Variants in DYNC2H1 observed in about 807,000 individuals in gnomAD.
DYNC2H1 encodes dynein cytoplasmic 2 heavy chain 1, also known as cytoplasmic dynein 2 heavy chain 1.
Under a neutral mutation model 570.0 loss-of-function variants are expected in DYNC2H1, and 410 were observed. The observed-to-expected ratio is 0.72, with a 90% confidence interval of 0.66 to 0.78. The LOEUF (loss-of-function observed/expected upper bound fraction) is 0.78, where lower values mean the gene tolerates loss of function less well. Among genes scored for constraint, DYNC2H1 ranks in the 30% least tolerant of loss-of-function variants. The probability of loss-of-function intolerance (pLI) is 0.00; values close to 1 mark genes in which losing one functional copy is unlikely to be tolerated. For synonymous variants in DYNC2H1, 1,688 were observed against 1,677.6 expected, an observed-to-expected ratio of 1.01 and a Z score of -0.15; for missense variants, 4,865 against 5,046.4, an observed-to-expected ratio of 0.96 and a Z score of 1.09.
At chr11:103,390,539 T>C (rs1391585393) in intron 83 of DYNC2H1, among the ~76,000 whole-genome samples, 1 of 152,162 alleles carries the variant, frequency 6.6e-6, no homozygotes, top group Non-Finnish European at 1.5e-5. Flanking sequence ...ATCCTGTCAT[T>C]ATGATGTTAG....
chr11:103,122,348 G>C (rs1168768011), intron 10 of DYNC2H1, among the ~76,000 whole-genome samples: 1 of 152,222 alleles, frequency 6.6e-6, no homozygotes, highest in Non-Finnish European at 1.5e-5. Context: ...CTGTCAGTCA[G>C]TTTTCCAGGG....
At chr11:103,463,349 G>A (rs1363141637) in intron 87 of DYNC2H1, among the ~76,000 whole-genome samples, 1 of 152,162 alleles carries the variant, frequency 6.6e-6, no homozygotes, top group Admixed American at 6.5e-5. Flanking sequence ...TAAAGTAAAA[G>A]GAATTAGTAG....
chr11:103,435,017 T>C (rs538473123), intron 84 of DYNC2H1, among the ~76,000 whole-genome samples: 1 of 152,260 alleles, frequency 6.6e-6, no homozygotes, highest in Admixed American at 6.5e-5. Context: ...GATTTGCAGT[T>C]GTGTTTCAAA....
chr11:103,197,886 C>A, intron 47 of DYNC2H1, 47 bp from the exon 48 acceptor site: 1 of 1,538,538 alleles, frequency 6.5e-7, no homozygotes, highest in East Asian at 2.4e-5. Context: ...GTTGAACTCT[C>A]ATTACGAGTA....
chr11:103,208,453 C>A (rs1329431059), intron 52 of DYNC2H1, among the ~76,000 whole-genome samples: 1 of 152,060 alleles, frequency 6.6e-6, no homozygotes, highest in African/African-American at 2.4e-5. Flanking sequence ...GAGGGCACTG[C>A]CTTGAACTTG....
rs967632442 is a variant in DYNC2H1 at position 103,134,222 on chromosome 11, T to A, written c.2107-99T>A. 4.0e-6 allele frequency: 4 copies of A among 1,001,896 alleles called. No homozygotes were observed. The East Asian group carries it at 9.9e-5, about 25-fold the overall frequency. The allele number at this position is 1,001,896 out of a possible 1,614,324, so 62.1% of individuals were successfully genotyped here. On this transcript the variant is annotated intron_variant, in intron 14 of 88. Coordinates refer to ENST00000375735, the MANE Select transcript of DYNC2H1 (RefSeq NM_001377.3). Reference sequence around the variant, plus strand: ...TGTCTTGTATAGATTAAGTTAAACTTGATCACTTGGTTAAGGTGGTATCTG... The same window carrying A: ...TGTCTTGTATAGATTAAGTTAAACTAGATCACTTGGTTAAGGTGGTATCTG...
rs1271035371 is a variant in DYNC2H1, at chr11:103,461,674, T to A, written c.12648+5318T>A. Among the ~76,000 whole-genome samples, 1 of 152,030 alleles carries A rather than the reference T, an allele frequency of 6.6e-6. No homozygotes were observed. The highest frequency in any genetic ancestry group is 1.5e-5 in the Non-Finnish European group (1 of 67,980). ...ACATACGGGTACTATATTGTAGCTCTGCATGGAACGGTCAATTCCCTAGAA... is the reference window on the plus strand; with the variant it reads ...ACATACGGGTACTATATTGTAGCTCAGCATGGAACGGTCAATTCCCTAGAA... On this transcript the variant is annotated intron_variant, in intron 87 of 88. Coordinates refer to ENST00000375735, the MANE Select transcript of DYNC2H1 (RefSeq NM_001377.3). The surrounding 1 kb of genome is among the most constrained non-coding windows in gnomAD (Gnocchi z 4.8).
intron 57 of DYNC2H1, among the ~76,000 whole-genome samples, chr11:103,221,044 T>C (rs1863565716): frequency 6.6e-6 from 1 of 152,058 alleles, no homozygotes; most frequent in Non-Finnish European, 1.5e-5. Flanking sequence ...TCAATAAATA[T>C]AATAATATAT....
At chr11:103,184,028 C>T (rs796756357) in intron 40 of DYNC2H1, among the ~76,000 whole-genome samples, 2 of 151,942 alleles carry the variant, frequency 1.3e-5, no homozygotes, top group East Asian at 1.9e-4. Flanking sequence ...TCTTTTAATT[C>T]CTTAACAGTG....
chr11:103,163,098 C>T lies in DYNC2H1; in HGVS notation c.4562C>T (p.Thr1521Ile). The T allele has an allele frequency of 1.2e-6, 2 of 1,613,152 alleles. No individual in the cohort carries two copies. The highest frequency in any genetic ancestry group is 1.7e-6 in the Non-Finnish European group (2 of 1,179,306). ...CAGTTGTTGAAGGAATGTGTTACTACTGGGCGAAGTTCTCAAGGTGCAGTT... is the reference window on the plus strand; with the variant it reads ...CAGTTGTTGAAGGAATGTGTTACTATTGGGCGAAGTTCTCAAGGTGCAGTT... ...LEQLLKECVT[T>I]GRSSQGAVDP... Residue 1521 changes from threonine to isoleucine, a missense_variant, in exon 30 of 89, where the codon ACT (threonine) becomes ATT (isoleucine). By Grantham distance (89) the Thr-to-Ile change is moderately conservative (BLOSUM62 -1). Transcript: ENST00000375735. The surrounding 1 kb of genome is among the most constrained non-coding windows in gnomAD (Gnocchi z 4.6).
chr11:103,476,783 A>G (rs953928032), intron 88 of DYNC2H1, among the ~76,000 whole-genome samples: 20 of 152,142 alleles, frequency 1.3e-4, no homozygotes, highest in Admixed American at 7.2e-4. Context: ...GAGGAGCAGG[A>G]TTGGAAAAGA....
At position 103,133,393 on chromosome 11, in the gene DYNC2H1, A is replaced by G. The variant is rs537991161; in HGVS notation, c.1954-162A>G. On this transcript the variant is annotated intron_variant, in intron 13 of 88. Transcript: ENST00000375735. This position sits in a 1 kb window ranked among gnomAD's most constrained non-coding sequence, Gnocchi z 4.8. ...GAAGCTGGAAGAAATGGGCTACTCA[A>G]TCTTTGCCAGACTGCCTTATCATTT... Among the ~76,000 whole-genome samples the G allele has an allele frequency of 5.3e-5, 8 of 152,302 alleles. No homozygotes were observed. Among genetic ancestry groups the G allele is most frequent in the African/African-American group, 1.9e-4 (8 of 41,570 alleles).
intron 82 of DYNC2H1, among the ~76,000 whole-genome samples, chr11:103,348,414 C>T (rs1236484059): frequency 6.6e-6 from 1 of 152,124 alleles, no homozygotes; most frequent in Non-Finnish European, 1.5e-5. Flanking sequence ...TGAACATCCC[C>T]ATTACCCCCA....
intron 20 of DYNC2H1, among the ~76,000 whole-genome samples, chr11:103,148,883 C>T (rs1860380060): frequency 6.6e-6 from 1 of 151,932 alleles, no homozygotes; most frequent in South Asian, 2.1e-4. Flanking sequence ...ATGGTCAAAC[C>T]CTGTATCTGT....
At chr11:103,183,849 C>T (rs1031286696) in intron 40 of DYNC2H1, among the ~76,000 whole-genome samples, 6 of 151,618 alleles carry the variant, frequency 4.0e-5, no homozygotes, top group Non-Finnish European at 7.4e-5. Context: ...TTAAGCACAG[C>T]GATGTTTTTA....
At chr11:103,242,739 T>G (rs190591361) in intron 63 of DYNC2H1, among the ~76,000 whole-genome samples, 1 of 152,258 alleles carries the variant, frequency 6.6e-6, no homozygotes, top group East Asian at 1.9e-4. Flanking sequence ...ACTCCCTTTT[T>G]TTTTGAGATG....
intron 78 of DYNC2H1, among the ~76,000 whole-genome samples, chr11:103,309,166 C>CTTTTTTTTTTTTTTTTT (rs1274431520): frequency 1.8e-5 from 1 of 56,538 alleles, no homozygotes; most frequent in Non-Finnish European, 4.0e-5. Flanking sequence ...TAACTGCATG[C>CTTTTTTTTTTTTTTTTT]TATTTTTTTT....
In DYNC2H1 at chr11:103,272,464, C is replaced by T. The variant is rs186450702; in HGVS notation, c.10696-7884C>T. Among the ~76,000 whole-genome samples the T allele has an allele frequency of 7.2e-3, 1,102 of 152,160 alleles. 2 individuals carry two copies. Among genetic ancestry groups the T allele is most frequent in the Admixed American group, 0.013 (204 of 15,284 alleles). ...GGGAGGGATAGCATCAGGAGATATA[C>T]CTAATGTAAATGACGAGTTAATGGG... On this transcript the variant is annotated intron_variant, in intron 70 of 88. Coordinates refer to ENST00000375735, the MANE Select transcript of DYNC2H1 (RefSeq NM_001377.3).
intron 83 of DYNC2H1, among the ~76,000 whole-genome samples, chr11:103,377,224 C>G (rs982952436): frequency 6.6e-6 from 1 of 152,140 alleles, no homozygotes; most frequent in Non-Finnish European, 1.5e-5. Context: ...TGTCTCTTCT[C>G]CCTCTTGCAC....
Sources: gnomAD v4.1 joint callset for allele counts (sites outside exome capture counted in the v4.1 genomes callset) on GRCh38, gnomAD v4.1.1 for gene constraint, Gnocchi (gnomAD v3.1) non-coding constraint, MANE v1.5 for transcripts, NCBI Gene and HGNC (gene_info 2026-07-23, HGNC 2026-07-21) for gene names.